AXDND1: variants seen among roughly 807,000 people sequenced by gnomAD.
AXDND1 encodes the protein axonemal dynein light chain domain containing 1, also known as axonemal dynein light chain domain-containing protein 1.
Under a neutral mutation model 137.5 loss-of-function variants are expected in AXDND1, and 110 were observed. The observed-to-expected ratio is 0.80, with a 90% CI of 0.69 to 0.94. AXDND1 has a LOEUF of 0.94. Ranked by LOEUF, AXDND1 falls within the 40% of genes least tolerant of loss-of-function variation. The pLI, the probability that AXDND1 is intolerant of heterozygous loss-of-function variation, is 0.00. For missense variants in AXDND1, 1,191 were observed against 1,169.8 expected, an observed-to-expected ratio of 1.02 and a Z score of -0.26; for synonymous variants, 414 against 399.7, an observed-to-expected ratio of 1.04 and a Z score of -0.43.
chr1:179,394,848 C>A (rs932839290), intron 10 of AXDND1, among the ~76,000 whole-genome samples: 1 of 152,130 alleles, frequency 6.6e-6, no homozygotes, highest in Admixed American at 6.6e-5. Flanking sequence ...CTGCCTCCCT[C>A]CATTCTAAAG....
intron 11 of AXDND1, among the ~76,000 whole-genome samples, chr1:179,401,787 G>A (rs12135111): frequency 0.4 from 60,993 of 151,824 alleles, 12,247 homozygotes; most frequent in South Asian, 0.42. Context: ...CTGCCGCTAT[G>A]TAAGAGGGGC....
intron 18 of AXDND1, among the ~76,000 whole-genome samples, chr1:179,488,174 T>A (rs988584237): frequency 6.8e-6 from 1 of 147,846 alleles, no homozygotes; most frequent in African/African-American, 2.6e-5. Flanking sequence ...TCCCAGCCAA[T>A]TGAAATGCTT....
chr1:179,523,243 GTTT>G (rs201450106), intron 21 of AXDND1, among the ~76,000 whole-genome samples: 81 of 144,918 alleles, frequency 5.6e-4, no homozygotes, highest in East Asian at 1.4e-3. Context: ...GATTGTTTTT[GTTT>G]TTTTTTTTTT....
chr1:179,545,658 A>T (rs1572233163), intron 25 of AXDND1: 2 of 152,128 alleles, frequency 1.3e-5, no homozygotes, highest in Non-Finnish European at 2.9e-5. Flanking sequence ...TTGCAGAATA[A>T]TTTTTATTGA....
intron 17 of AXDND1, among the ~76,000 whole-genome samples, chr1:179,471,352 G>C (rs1012744471): frequency 2.0e-4 from 31 of 152,166 alleles, no homozygotes; most frequent in African/African-American, 7.0e-4. Context: ...GCCATCTGTG[G>C]GTAGGTTTTT....
Position 179,528,435 on chromosome 1 carries a change from T to C in AXDND1, c.2715+4T>C. Reference sequence around the variant, plus strand: ...AACAGATGTGTTGTCTTCCTGGGTATGTATCTGAAACCCAGCTAGGGAATT... The same window carrying C: ...AACAGATGTGTTGTCTTCCTGGGTACGTATCTGAAACCCAGCTAGGGAATT... On this transcript the variant is annotated splice_donor_region_variant and intron_variant, in intron 23 of 25. Transcript: ENST00000367618. 1.3e-6 allele frequency: 2 copies of C among 1,564,638 alleles called. No individual in the cohort carries two copies. The highest frequency in any genetic ancestry group is 1.8e-6 in the Non-Finnish European group (2 of 1,136,046).
intron 25 of AXDND1, chr1:179,545,285 C>T (rs1280166116): frequency 1.3e-5 from 2 of 152,138 alleles, no homozygotes; most frequent in African/African-American, 4.8e-5. Context: ...AATTTTAGAC[C>T]TTTACCTGTT....
intron 20 of AXDND1, among the ~76,000 whole-genome samples, chr1:179,498,768 G>A (rs1158890336): frequency 1.3e-5 from 2 of 151,916 alleles, no homozygotes; most frequent in African/African-American, 2.4e-5. Context: ...ATGGGCAAAG[G>A]ATATGAACAG....
At chr1:179,397,124 G>A (rs577408505) in intron 11 of AXDND1, among the ~76,000 whole-genome samples, 2 of 152,294 alleles carry the variant, frequency 1.3e-5, no homozygotes, top group South Asian at 2.1e-4. Flanking sequence ...GCTGGTAATG[G>A]TCTTTCCTTT....
chr1:179,528,196 T>G (rs1253415428), intron 22 of AXDND1, 131 bp from the exon 23 acceptor site: 1 of 637,672 alleles, frequency 1.6e-6, no homozygotes, highest in African/African-American at 1.8e-5. Context: ...TCAAAAATTC[T>G]TGTTGTGTGA....
At chr1:179,456,308 T>A (rs1661398028) in intron 16 of AXDND1, 1 of 748,408 alleles carries the variant, frequency 1.3e-6, no homozygotes, top group Non-Finnish European at 2.4e-6. Flanking sequence ...AGTATTGGCC[T>A]CCACCACCAC....
At chr1:179,367,677 C>T (rs1400368874) in intron 2 of AXDND1, among the ~76,000 whole-genome samples, 1 of 152,214 alleles carries the variant, frequency 6.6e-6, no homozygotes, top group Non-Finnish European at 1.5e-5. Flanking sequence ...GCAGAGGTTG[C>T]AGTGAGCCAA....
At chr1:179,391,973 CTG>C (rs1322124219) in intron 9 of AXDND1, among the ~76,000 whole-genome samples, 4 of 152,188 alleles carry the variant, frequency 2.6e-5, no homozygotes, top group African/African-American at 9.7e-5. Context: ...CTCCCCAGCT[CTG>C]TGGAACTGAG....
chr1:179,501,341 A>T lies in AXDND1; in HGVS notation c.2389-7955A>T, dbSNP rs530944384. On this transcript the variant is annotated intron_variant, in intron 20 of 25. Coordinates refer to ENST00000367618, the MANE Select transcript of AXDND1 (RefSeq NM_144696.6). ...ACAACTATGTCAATGGAATCAAAAA[A>T]CAGAACCAAAAATTTATGGCCTTTT... Among the ~76,000 whole-genome samples the T allele has an allele frequency of 5.3e-5, 8 of 152,314 alleles. No individual in the cohort carries two copies. In the South Asian group the frequency reaches 1.7e-3, roughly 32 times the overall value.
At chr1:179,376,842 T>C (rs1029080847) in intron 4 of AXDND1, among the ~76,000 whole-genome samples, 2 of 152,188 alleles carry the variant, frequency 1.3e-5, no homozygotes, top group Non-Finnish European at 2.9e-5. Context: ...ACTTACAATA[T>C]GGTTAATAAA....
chr1:179,392,389 G>T (rs946840661), intron 9 of AXDND1, among the ~76,000 whole-genome samples: 2 of 152,294 alleles, frequency 1.3e-5, no homozygotes, highest in South Asian at 4.1e-4. Flanking sequence ...TGGACATTTA[G>T]GTTGGTTCCA....
intron 20 of AXDND1, among the ~76,000 whole-genome samples, chr1:179,494,016 A>G (rs1194579631): frequency 6.6e-6 from 1 of 152,056 alleles, no homozygotes; most frequent in Admixed American, 6.6e-5. Context: ...CAGTGGCATG[A>G]TCTTGGCTCA....
intron 15 of AXDND1, among the ~76,000 whole-genome samples, chr1:179,432,837 A>G (rs2125318812): frequency 6.6e-6 from 1 of 151,872 alleles, no homozygotes; most frequent in East Asian, 1.9e-4. Flanking sequence ...AGGGAGTCAC[A>G]GGTTGCAGTG....
At chr1:179,432,438 T>C in intron 15 of AXDND1, 96 bp downstream of exon 15, 1 of 1,400,298 alleles carries the variant, frequency 7.1e-7, no homozygotes, top group Non-Finnish European at 9.4e-7. Context: ...CCTTTTTTTT[T>C]TTTGGGACGT....
Sources: gnomAD v4.1 joint callset for allele counts (sites outside exome capture counted in the v4.1 genomes callset) on GRCh38, gnomAD v4.1.1 for gene constraint, MANE v1.5 for transcripts, NCBI Gene and HGNC (gene_info 2026-07-23, HGNC 2026-07-21) for gene names.